The following EVI5 variants were observed in gnomAD, a reference collection of about 807,000 sequenced individuals.
EVI5 encodes the protein ecotropic viral integration site 5 protein homolog.
In EVI5, 73 loss-of-function variants were observed where a neutral mutation model predicts 112.0. The observed-to-expected ratio is 0.65, with a 90% CI of 0.54 to 0.79. The LOEUF is 0.79. Among genes scored for constraint, EVI5 ranks in the 30% least tolerant of loss-of-function variants. The probability of loss-of-function intolerance (pLI) is 0.00; values close to 1 mark genes in which losing one functional copy is unlikely to be tolerated. For synonymous variants in EVI5, 305 were observed against 319.9 expected (o/e 0.95, Z 0.50); for missense variants, 900 against 968.8 (o/e 0.93, Z 0.94).
At chr1:92,641,821 T>C (rs1660030469) in intron 13 of EVI5, among the ~76,000 whole-genome samples, 2 of 152,128 alleles carry the variant, frequency 1.3e-5, no homozygotes, top group Non-Finnish European at 2.9e-5. Flanking sequence ...ATTTAAGTAT[T>C]TGCTACACTA....
intron 2 of EVI5, among the ~76,000 whole-genome samples, chr1:92,715,840 A>C (rs1673563317): frequency 6.6e-6 from 1 of 152,158 alleles, no homozygotes; most frequent in African/African-American, 2.4e-5. Flanking sequence ...TCCCACACCC[A>C]CAGAGCTTTG....
chr1:92,645,455 A>T (rs1316535359), intron 13 of EVI5, among the ~76,000 whole-genome samples: 1 of 151,620 alleles, frequency 6.6e-6, no homozygotes, highest in Non-Finnish European at 1.5e-5. Flanking sequence ...ACTGTGGGGG[A>T]AAGTCACTGT....
intron 12 of EVI5, 60 bp downstream of exon 12, chr1:92,663,360 G>C: frequency 2.5e-6 from 2 of 806,522 alleles, no homozygotes; most frequent in South Asian, 4.2e-5. Context: ...CGAGGTTTAG[G>C]ACTTTCCTTA....
intron 1 of EVI5, among the ~76,000 whole-genome samples, chr1:92,767,890 G>C (rs1682872777): frequency 6.6e-6 from 1 of 152,098 alleles, no homozygotes; most frequent in South Asian, 2.1e-4. Context: ...GACCAGCCTG[G>C]CCAATGTGGC....
chr1:92,605,595 A>G (rs1650206469), intron 17 of EVI5, among the ~76,000 whole-genome samples, 193 bp from the exon 18 acceptor site: 1 of 152,226 alleles, frequency 6.6e-6, no homozygotes. Context: ...CAAGTGGAAT[A>G]AATAACAATT....
chr1:92,550,746 CAAAAAAAAAAAAAAAAA>C (rs1164076965), intron 19 of EVI5, among the ~76,000 whole-genome samples: 1 of 4,518 alleles, frequency 2.2e-4, no homozygotes, highest in Non-Finnish European at 3.9e-4. Flanking sequence ...GACTCCGTCT[CAAAAAAAAAAAAAAAAA>C]AAAAAAAAAA....
chr1:92,620,498 C>T (rs755558826), intron 16 of EVI5, among the ~76,000 whole-genome samples: 1 of 144,510 alleles, frequency 6.9e-6, no homozygotes, highest in Admixed American at 6.9e-5. Flanking sequence ...CTGCTACAAA[C>T]AAAGAGAAAA....
At chr1:92,779,982 G>A (rs1215292633) in intron 1 of EVI5, among the ~76,000 whole-genome samples, 1 of 152,254 alleles carries the variant, frequency 6.6e-6, no homozygotes, top group East Asian at 1.9e-4. Flanking sequence ...ACTCTGACCT[G>A]GTGATACGAT....
intron 19 of EVI5, among the ~76,000 whole-genome samples, chr1:92,525,203 T>C (rs1050571092): frequency 6.6e-6 from 1 of 151,350 alleles, no homozygotes; most frequent in African/African-American, 2.4e-5. Context: ...GTGTGGTAGG[T>C]TGCAAGGGAC....
intron 13 of EVI5, among the ~76,000 whole-genome samples, chr1:92,650,783 A>G (rs1056951760): frequency 6.6e-6 from 1 of 152,206 alleles, no homozygotes; most frequent in African/African-American, 2.4e-5. Context: ...CTCTAAAAAA[A>G]TTTTAGGTGG....
intron 5 of EVI5, 108 bp from the exon 6 acceptor site, chr1:92,698,093 G>A: frequency 1.1e-5 from 10 of 945,354 alleles, no homozygotes; most frequent in South Asian, 1.6e-5. Context: ...TGTTTGAGTG[G>A]CTGTGTGCTG....
chr1:92,591,209 C>T (rs1368267223), intron 18 of EVI5, among the ~76,000 whole-genome samples: 4 of 152,244 alleles, frequency 2.6e-5, no homozygotes, highest in Non-Finnish European at 5.9e-5. Context: ...CATCAACTAA[C>T]GAGCAAAATA....
In EVI5 at chr1:92,624,847, C is replaced by G. The variant is rs1372955629; in HGVS notation, c.1669-513G>C. Among the ~76,000 whole-genome samples the G allele has an allele frequency of 2.0e-5, 3 of 152,148 alleles. No homozygotes were observed. In the East Asian group the frequency reaches 5.8e-4, roughly 29 times the overall value. On this transcript the variant is annotated intron_variant, in intron 15 of 19. Transcript: ENST00000684568. ...CATTATTGCCATTATTGGTTCCCAA[C>G]TGGGGCAATTTTGCCCCGCCAGGGG...
chr1:92,550,815 A>ATATATATATAT (rs1557766729), intron 19 of EVI5, among the ~76,000 whole-genome samples: 5 of 90,232 alleles, frequency 5.5e-5, no homozygotes, highest in African/African-American at 1.8e-4. Flanking sequence ...TATATATATA[A>ATATATATATAT]CAAAAAAAAC....
At chr1:92,697,592 C>A (rs1670508369) in intron 6 of EVI5, among the ~76,000 whole-genome samples, 1 of 152,152 alleles carries the variant, frequency 6.6e-6, no homozygotes, top group Non-Finnish European at 1.5e-5. Context: ...TAAGGAAATT[C>A]ATGTGCTTAG....
At position 92,665,236 on chromosome 1, in the gene EVI5, C is replaced by G. The variant is rs532050142; in HGVS notation, c.1212+703G>C. On this transcript the variant is annotated intron_variant, in intron 11 of 19. Transcript: ENST00000684568. ...ATAAAAAAGAAAAAGAAAAAAGCAC[C>G]AAAAGAGTTTGTGAATTCAGATGTC... is the stretch of plus-strand genomic sequence containing the variant. Among the ~76,000 whole-genome samples the G allele has an allele frequency of 1.2e-3, 187 of 152,034 alleles. 6 individuals carry two copies. In the South Asian group the frequency reaches 0.038, roughly 31 times the overall value.
At chr1:92,764,926 G>T (rs1570845159) in intron 1 of EVI5, among the ~76,000 whole-genome samples, 1 of 151,872 alleles carries the variant, frequency 6.6e-6, no homozygotes, top group Admixed American at 6.6e-5. Context: ...TATATGCTTC[G>T]GTAAACACAA....
intron 19 of EVI5, among the ~76,000 whole-genome samples, chr1:92,530,152 C>G (rs1053867431): frequency 6.6e-6 from 1 of 152,144 alleles, no homozygotes; most frequent in Non-Finnish European, 1.5e-5. Context: ...CAAGAGCAGG[C>G]ACATGAACTA....
At chr1:92,622,484 C>A in intron 16 of EVI5, 1 of 191,128 alleles carries the variant, frequency 5.2e-6, no homozygotes, top group Non-Finnish European at 1.1e-5. Context: ...GAGAGTGGAT[C>A]AATAAATTGA....
Sources: allele counts gnomAD v4.1 joint callset (sites outside exome capture counted in the v4.1 genomes callset), GRCh38; gene constraint gnomAD v4.1.1; transcripts MANE v1.5; gene names NCBI Gene and HGNC (gene_info 2026-07-23, HGNC 2026-07-21).